The following DOCK10 variants were observed in gnomAD, a reference collection of about 807,000 sequenced individuals.
DOCK10 encodes dedicator of cytokinesis 10.
In DOCK10, 145 loss-of-function variants were observed where a neutral mutation model predicts 280.1. The ratio of observed to expected loss-of-function variants is 0.52; its 90% CI spans 0.45 to 0.59. The LOEUF (loss-of-function observed/expected upper bound fraction) is 0.59, where lower values mean the gene tolerates loss of function less well. Ranked by LOEUF, DOCK10 falls within the 20% of genes least tolerant of loss-of-function variation. The probability of loss-of-function intolerance (pLI) is 0.00; values close to 1 mark genes in which losing one functional copy is unlikely to be tolerated. For synonymous variants in DOCK10, 915 were observed against 942.2 expected (o/e 0.97, Z 0.53); for missense variants, 2,368 against 2,651.7 (o/e 0.89, Z 2.35).
intron 25 of DOCK10, 48 bp downstream of exon 25, chr2:224,837,709 ACAAGT>A (rs1695680510): frequency 1.4e-6 from 2 of 1,477,092 alleles, no homozygotes; most frequent in Non-Finnish European, 1.9e-6. Flanking sequence ...AGGAAATGAG[ACAAGT>A]CACACAGCAC....
At chr2:225,006,093 C>T (rs2126291345) in intron 1 of DOCK10, among the ~76,000 whole-genome samples, 1 of 152,194 alleles carries the variant, frequency 6.6e-6, no homozygotes, top group South Asian at 2.1e-4. Context: ...ATTTTCTAGG[C>T]AGAGCAAACA....
chr2:224,775,359 C>T (rs1405631348), intron 51 of DOCK10, among the ~76,000 whole-genome samples: 1 of 152,212 alleles, frequency 6.6e-6, no homozygotes, highest in Non-Finnish European at 1.5e-5. Flanking sequence ...GAGGCTCTTC[C>T]AGATGTGCCT....
intron 9 of DOCK10, 87 bp downstream of exon 9, chr2:224,874,579 A>G: frequency 7.4e-7 from 1 of 1,346,546 alleles, no homozygotes; most frequent in Non-Finnish European, 1.1e-6. Context: ...CTAAATCTTA[A>G]AAGAAAGCAT....
At chr2:224,798,088 G>C (rs1468764905) in intron 41 of DOCK10, 119 bp from the exon 42 acceptor site, 2 of 972,480 alleles carry the variant, frequency 2.1e-6, no homozygotes, top group Non-Finnish European at 3.0e-6. Context: ...TAGAAATAAA[G>C]GATTGAACAA....
At chr2:224,851,026 G>T (rs1424514469) in intron 18 of DOCK10, among the ~76,000 whole-genome samples, 2 of 152,168 alleles carry the variant, frequency 1.3e-5, no homozygotes. Context: ...ACAAGGCTTG[G>T]ATGGACCCCA....
chr2:224,780,402 C>T (rs542538191), intron 50 of DOCK10, among the ~76,000 whole-genome samples: 4 of 152,188 alleles, frequency 2.6e-5, no homozygotes, highest in African/African-American at 9.6e-5. Context: ...AGCTTTCAGG[C>T]GAATCCTCAT....
chr2:224,864,008 T>C (rs1697700676), intron 13 of DOCK10, among the ~76,000 whole-genome samples: 1 of 152,224 alleles, frequency 6.6e-6, no homozygotes, highest in Non-Finnish European at 1.5e-5. Flanking sequence ...AATACTCTGA[T>C]CCTTGGGGTG....
Position 224,790,028 on chromosome 2 carries a change from G to A in DOCK10, c.5312-858C>T, listed in dbSNP as rs150136530. On this transcript the variant is annotated intron_variant, in intron 47 of 55. Transcript: ENST00000258390. ...ACTACTGACCTCAGGTGATCTGCCC[G>A]CCTCAGCCTCCTGAAGTGTTGGGAT... 5.7e-3 allele frequency among the ~76,000 whole-genome samples: 872 copies of A among 152,238 alleles called. 7 individuals are homozygous for A. The highest frequency in any genetic ancestry group is 0.022 in the South Asian group (105 of 4,822).
At chr2:225,028,236 C>T (rs142364900) in intron 1 of DOCK10, among the ~76,000 whole-genome samples, 5 of 151,980 alleles carry the variant, frequency 3.3e-5, no homozygotes, top group African/African-American at 7.3e-5. Flanking sequence ...AGCGTGGGTC[C>T]GAGGGGCGCA....
Position 224,814,335 on chromosome 2 carries a change from C to A in DOCK10, c.3394G>T (p.Glu1132Ter). The A allele has an allele frequency of 6.5e-7, 1 of 1,533,774 alleles. No homozygotes were observed. The change falls in exon 31 of 56, where the codon GAG becomes TAG. Residue 1132 changes from glutamate to a stop codon, truncating the protein, a stop_gained. Coordinates refer to ENST00000258390, the MANE Select transcript of DOCK10 (RefSeq NM_014689.3). LOFTEE classifies it high-confidence loss of function. ...DPLTPSESTQ[E>*]LHASDMPEYS... is the part of the protein sequence containing the mutation. ...TATCACTTACCTGATGCATGTAACT[C>A]TTGAGTCGATTCTGAAGGTGTCAAA...
chr2:225,019,042 C>T (rs1006117669), intron 1 of DOCK10, among the ~76,000 whole-genome samples: 4 of 151,818 alleles, frequency 2.6e-5, no homozygotes, highest in African/African-American at 9.7e-5. Context: ...GCCCTGTTAC[C>T]AACTAGCAAC....
intron 50 of DOCK10, among the ~76,000 whole-genome samples, chr2:224,784,372 G>A (rs1691586504): frequency 1.3e-5 from 2 of 152,088 alleles, no homozygotes; most frequent in African/African-American, 4.8e-5. Context: ...AACTCATAGT[G>A]GCCTGAAATA....
chr2:224,966,093 A>G (rs1704724829), intron 1 of DOCK10, among the ~76,000 whole-genome samples: 1 of 152,230 alleles, frequency 6.6e-6, no homozygotes, highest in South Asian at 2.1e-4. Context: ...TCCTATAAAC[A>G]TGCAAGCGGG....
chr2:225,011,532 A>G (rs143773303), intron 1 of DOCK10, among the ~76,000 whole-genome samples: 194 of 152,362 alleles, frequency 1.3e-3, no homozygotes, highest in African/African-American at 4.4e-3. Flanking sequence ...CAGGACATAC[A>G]TGGCTTTCTT....
At chr2:224,854,911 AAATATTC>A in intron 16 of DOCK10, 45 bp downstream of exon 16, 1 of 1,422,162 alleles carries the variant, frequency 7.0e-7, no homozygotes, top group Non-Finnish European at 9.7e-7. Context: ...CAAACCCACT[AAATATTC>A]AATATTCAAA....
At position 224,992,339 on chromosome 2, in the gene DOCK10, G is replaced by T. The variant is rs79732119; in HGVS notation, c.123+49913C>A. Among the ~76,000 whole-genome samples, 9 of 152,222 alleles carry T rather than the reference G, an allele frequency of 5.9e-5. No homozygotes were observed. In the East Asian group the frequency reaches 1.7e-3, roughly 29 times the overall value. ...GAATTGCTTTCCAAACATGAAAATGGCAGTCTTTAAAGTCATTTACAATGT... is the reference window on the plus strand; with the variant it reads ...GAATTGCTTTCCAAACATGAAAATGTCAGTCTTTAAAGTCATTTACAATGT... On this transcript the variant is annotated intron_variant, in intron 1 of 55. Transcript: ENST00000258390.
intron 3 of DOCK10, among the ~76,000 whole-genome samples, chr2:224,914,370 C>T (rs1046936237): frequency 6.6e-6 from 1 of 152,110 alleles, no homozygotes; most frequent in African/African-American, 2.4e-5. Context: ...CCAAATTTCA[C>T]TCATAATATA....
chr2:224,816,911 G>T (rs1694167701), intron 29 of DOCK10, among the ~76,000 whole-genome samples, 198 bp from the exon 30 acceptor site: 1 of 152,192 alleles, frequency 6.6e-6, no homozygotes, highest in Non-Finnish European at 1.5e-5. Context: ...TTTGGAGACT[G>T]GTCAAGGCCT....
chr2:224,766,714 G>A (rs1375560149), intron 55 of DOCK10, among the ~76,000 whole-genome samples: 1 of 152,200 alleles, frequency 6.6e-6, no homozygotes, highest in Non-Finnish European at 1.5e-5. Context: ...CTTACTGAAT[G>A]TTGAAACAGA....
Sources: allele counts gnomAD v4.1 joint callset (sites outside exome capture counted in the v4.1 genomes callset), GRCh38; gene constraint gnomAD v4.1.1; transcripts MANE v1.5; gene names NCBI Gene and HGNC (gene_info 2026-07-23, HGNC 2026-07-21).